The following PTPN12 variants were observed in gnomAD, a reference collection of about 807,000 sequenced individuals.
The protein encoded by PTPN12 is tyrosine-protein phosphatase non-receptor type 12.
Under a neutral mutation model 97.6 loss-of-function variants are expected in PTPN12, and 29 were observed. The ratio of observed to expected loss-of-function variants is 0.30; its 90% CI spans 0.22 to 0.41. The LOEUF (loss-of-function observed/expected upper bound fraction) is 0.41. Among genes scored for constraint, PTPN12 ranks in the 10% least tolerant of loss-of-function variants. PTPN12 has a pLI of 1.00. For missense variants in PTPN12, 819 were observed against 926.0 expected, an observed-to-expected ratio of 0.88 and a Z score of 1.50; for synonymous variants, 327 against 300.4, an observed-to-expected ratio of 1.09 and a Z score of -0.91.
intron 11 of PTPN12, 106 bp from the exon 12 acceptor site, chr7:77,618,374 T>A: frequency 1.4e-6 from 1 of 705,624 alleles, no homozygotes; most frequent in South Asian, 2.5e-5. Flanking sequence ...CTTGGCAAAA[T>A]TGGCATTGTT....
intron 5 of PTPN12, among the ~76,000 whole-genome samples, chr7:77,585,836 A>C (rs1787672715): frequency 6.6e-6 from 1 of 152,240 alleles, no homozygotes; most frequent in Non-Finnish European, 1.5e-5. Context: ...CCACCACAAT[A>C]GCGCAATTCA....
At chr7:77,594,642 G>C (rs946285282) in intron 6 of PTPN12, among the ~76,000 whole-genome samples, 5 of 152,098 alleles carry the variant, frequency 3.3e-5, no homozygotes, top group Non-Finnish European at 7.3e-5. Context: ...TTCCCAAGTA[G>C]TCGGGGCTGC....
chr7:77,591,468 T>G (rs541283364), intron 5 of PTPN12, among the ~76,000 whole-genome samples: 241 of 152,330 alleles, frequency 1.6e-3, no homozygotes, highest in African/African-American at 5.3e-3. Flanking sequence ...TGATGAAAAT[T>G]TATCATTCTT....
chr7:77,625,564 TC>T lies in PTPN12; in HGVS notation c.1026-1140del, dbSNP rs200697159. 1.4e-3 allele frequency among the ~76,000 whole-genome samples: 47 copies of T among 33,968 alleles called. 13 individuals are homozygous for T. The highest frequency in any genetic ancestry group is 4.4e-3 in the African/African-American group (20 of 4,548). 22.3% of individuals were successfully genotyped at this position (33,968 alleles called of 152,430 possible). A position where few individuals can be genotyped will look rare whatever the true frequency, so the allele number is the denominator to read the frequency against. ...CGCGCTCTCTCTCTCGCTCTCTCTC[TC>T]TTTTTTTTTTTTTTTTTTTTTTTGG... is the stretch of plus-strand genomic sequence containing the variant. On this transcript the variant is annotated intron_variant, in intron 12 of 17. Coordinates refer to ENST00000248594, the MANE Select transcript of PTPN12 (RefSeq NM_002835.4).
intron 12 of PTPN12, among the ~76,000 whole-genome samples, chr7:77,626,480 C>T (rs999606057): frequency 9.2e-5 from 14 of 152,098 alleles, no homozygotes; most frequent in African/African-American, 3.4e-4. Flanking sequence ...AGGAGGGCTG[C>T]GGGGCAGAGA....
At chr7:77,569,541 C>T (rs1228158316) in intron 1 of PTPN12, among the ~76,000 whole-genome samples, 18 of 152,078 alleles carry the variant, frequency 1.2e-4, no homozygotes, top group African/African-American at 3.9e-4. Flanking sequence ...AAGGCTGAGG[C>T]GGGTGGATCA....
intron 1 of PTPN12, 35 bp downstream of exon 1, chr7:77,537,680 C>G (rs1314857746): frequency 4.5e-6 from 7 of 1,550,840 alleles, no homozygotes; most frequent in Non-Finnish European, 6.1e-6. Flanking sequence ...GTTTTCTTGC[C>G]GGCGCCGGAG....
chr7:77,596,654 C>T (rs970933249), intron 6 of PTPN12, among the ~76,000 whole-genome samples: 3 of 152,194 alleles, frequency 2.0e-5, no homozygotes, highest in Admixed American at 6.5e-5. Flanking sequence ...TAAAGCGATC[C>T]GTCCACCTCA....
chr7:77,612,517 T>G (rs186053082), intron 11 of PTPN12, among the ~76,000 whole-genome samples: 75 of 152,232 alleles, frequency 4.9e-4, no homozygotes, highest in African/African-American at 1.7e-3. Context: ...TGGCTCACCG[T>G]AACCTCCGCC....
chr7:77,541,132 C>T (rs765174121), intron 1 of PTPN12, among the ~76,000 whole-genome samples: 12 of 152,108 alleles, frequency 7.9e-5, no homozygotes, highest in African/African-American at 2.9e-4. Flanking sequence ...ACTCTGTCAC[C>T]CAGGCTGGAG....
At chr7:77,628,329 A>C (rs1205061855) in intron 13 of PTPN12, among the ~76,000 whole-genome samples, 3 of 152,220 alleles carry the variant, frequency 2.0e-5, no homozygotes, top group Admixed American at 2.0e-4. Flanking sequence ...GCATGCACTC[A>C]GTTCCCAAAG....
Position 77,627,546 on chromosome 7 carries a change from A to C in PTPN12, c.1867A>C (p.Asn623His), listed in dbSNP as rs757168181. The C allele has an allele frequency of 1.9e-6, 3 of 1,614,136 alleles. No individual in the cohort carries two copies. The highest frequency in any genetic ancestry group is 2.5e-6 in the Non-Finnish European group (3 of 1,179,992). Residue 623 changes from asparagine (N) to histidine (H), a missense_variant, in exon 13 of 18, where the codon AAT (asparagine) becomes CAT (histidine). Transcript: ENST00000248594. Reference protein sequence around the residue: ...SDGAVTQNKTNISTASATVSA... With the variant: ...SDGAVTQNKTHISTASATVSA... ...TGGTGCTGTGACCCAGAATAAAACT[A>C]ATATTTCAACAGCAAGTGCCACAGT...
At chr7:77,561,949 G>A (rs1285172037) in intron 1 of PTPN12, among the ~76,000 whole-genome samples, 1 of 151,366 alleles carries the variant, frequency 6.6e-6, no homozygotes, top group Non-Finnish European at 1.5e-5. Context: ...CCATCACCAC[G>A]CCCAACTAAT....
intron 13 of PTPN12, among the ~76,000 whole-genome samples, chr7:77,630,606 C>T (rs982951275): frequency 6.6e-6 from 1 of 152,192 alleles, no homozygotes; most frequent in East Asian, 1.9e-4. Context: ...TACAGGACCG[C>T]TGTTGTTTAT....
At chr7:77,621,818 C>T (rs1026882887) in intron 12 of PTPN12, among the ~76,000 whole-genome samples, 5 of 152,306 alleles carry the variant, frequency 3.3e-5, no homozygotes, top group African/African-American at 7.2e-5. Flanking sequence ...ACGTGAATGA[C>T]GCATTTTGCT....
At chr7:77,592,034 A>C (rs748958275) in intron 5 of PTPN12, 151 bp from the exon 6 acceptor site, 1 of 664,346 alleles carries the variant, frequency 1.5e-6, no homozygotes, top group Non-Finnish European at 2.6e-6. Flanking sequence ...CAACTGGGTA[A>C]ATCTAAGCTC....
At chr7:77,605,137 ATTATGT>A (rs1788318615) in intron 8 of PTPN12, among the ~76,000 whole-genome samples, 1 of 152,124 alleles carries the variant, frequency 6.6e-6, no homozygotes, top group Admixed American at 6.5e-5. Context: ...AATATAATTG[ATTATGT>A]TTATTAAGAG....
chr7:77,579,322 G>A (rs542339816), intron 2 of PTPN12, among the ~76,000 whole-genome samples: 2 of 152,060 alleles, frequency 1.3e-5, no homozygotes, highest in African/African-American at 2.4e-5. Flanking sequence ...ATGGGGTTTC[G>A]CCATGTGGGC....
intron 14 of PTPN12, among the ~76,000 whole-genome samples, chr7:77,633,776 A>G (rs1437544690): frequency 6.6e-6 from 1 of 152,034 alleles, no homozygotes; most frequent in Non-Finnish European, 1.5e-5. Flanking sequence ...TAATCGCAGC[A>G]CTTTGGGAGT....
Sources: allele counts gnomAD v4.1 joint callset (sites outside exome capture counted in the v4.1 genomes callset), GRCh38; gene constraint gnomAD v4.1.1; transcripts MANE v1.5; gene names NCBI Gene and HGNC (gene_info 2026-07-23, HGNC 2026-07-21).